Variants in ENPP6 observed in about 807,000 individuals in gnomAD.
ENPP6 encodes glycerophosphocholine cholinephosphodiesterase ENPP6.
A neutral mutation model predicts 42.0 loss-of-function variants in ENPP6; 32 were observed. That is an observed-to-expected ratio of 0.76 (90% CI 0.58 to 1.02). The LOEUF is 1.02. Ranked by LOEUF, ENPP6 falls within the 50% of genes least tolerant of loss-of-function variation. ENPP6 has a pLI of 0.00. For missense variants in ENPP6, 552 were observed against 566.8 expected, an observed-to-expected ratio of 0.97 and a Z score of 0.27; for synonymous variants, 213 against 216.0, an observed-to-expected ratio of 0.99 and a Z score of 0.12.
intron 4 of ENPP6, among the ~76,000 whole-genome samples, chr4:184,117,506 C>A (rs1200881725): frequency 6.6e-6 from 1 of 152,242 alleles, no homozygotes; most frequent in Non-Finnish European, 1.5e-5. Flanking sequence ...GTCCACAGAG[C>A]TGGGTGTCTC....
At chr4:184,169,461 C>T (rs549789528) in intron 1 of ENPP6, among the ~76,000 whole-genome samples, 1 of 152,328 alleles carries the variant, frequency 6.6e-6, no homozygotes, top group East Asian at 1.9e-4. Context: ...TGCCTCACCC[C>T]TGCTTCTTTT....
chr4:184,152,170 C>T (rs28496970), intron 2 of ENPP6, among the ~76,000 whole-genome samples: 4 of 151,754 alleles, frequency 2.6e-5, no homozygotes, highest in South Asian at 2.1e-4. Context: ...GCAGCTTGTA[C>T]GGTGCGCGCC....
chr4:184,153,845 A>T (rs937667253), intron 1 of ENPP6, 112 bp from the exon 2 acceptor site: 1 of 1,220,156 alleles, frequency 8.2e-7, no homozygotes, highest in African/African-American at 1.6e-5. Context: ...ACAGAACAGC[A>T]TAAAGATTTG....
At chr4:184,192,342 A>G (rs887199804) in intron 1 of ENPP6, among the ~76,000 whole-genome samples, 20 of 152,250 alleles carry the variant, frequency 1.3e-4, no homozygotes, top group Non-Finnish European at 2.9e-4. Context: ...TTTATGATCA[A>G]TTGATTTTTG....
chr4:184,117,651 A>C (rs371948655), intron 4 of ENPP6, 108 bp downstream of exon 4: 1 of 1,516,166 alleles, frequency 6.6e-7, no homozygotes, highest in African/African-American at 1.4e-5. Flanking sequence ...TGCTGGCCCA[A>C]TTGGCCTTTA....
intron 1 of ENPP6, among the ~76,000 whole-genome samples, chr4:184,163,541 C>T (rs1279598742): frequency 1.3e-5 from 2 of 151,768 alleles, no homozygotes; most frequent in South Asian, 2.1e-4. Flanking sequence ...TGAAAGCTCT[C>T]GGTTTAAAAA....
intron 1 of ENPP6, among the ~76,000 whole-genome samples, chr4:184,208,062 T>TACTG (rs1733030846): frequency 7.0e-6 from 1 of 143,220 alleles, no homozygotes; most frequent in African/African-American, 2.5e-5. Flanking sequence ...CATTCTGAGG[T>TACTG]ACTGGAAACC....
At chr4:184,197,296 C>T (rs149087405) in intron 1 of ENPP6, among the ~76,000 whole-genome samples, 1 of 152,340 alleles carries the variant, frequency 6.6e-6, no homozygotes, top group East Asian at 1.9e-4. Context: ...TCTCTCACTG[C>T]TTTGAATCTC....
At chr4:184,208,297 T>G (rs1206279655) in intron 1 of ENPP6, among the ~76,000 whole-genome samples, 1 of 152,004 alleles carries the variant, frequency 6.6e-6, no homozygotes, top group Non-Finnish European at 1.5e-5. Context: ...ATGCAGAAGA[T>G]GGGTGATTTC....
At chr4:184,195,035 T>C (rs985201805) in intron 1 of ENPP6, among the ~76,000 whole-genome samples, 1 of 152,010 alleles carries the variant, frequency 6.6e-6, no homozygotes, top group Non-Finnish European at 1.5e-5. Context: ...TTTTTTATCA[T>C]GGTAAAATAT....
At chr4:184,126,082 T>C (rs1736498157) in intron 2 of ENPP6, among the ~76,000 whole-genome samples, 1 of 152,214 alleles carries the variant, frequency 6.6e-6, no homozygotes, top group South Asian at 2.1e-4. Flanking sequence ...TGTATGTAAA[T>C]TGTAAGTAAT....
chr4:184,151,976 C>T (rs935556814), intron 2 of ENPP6, among the ~76,000 whole-genome samples: 5 of 152,200 alleles, frequency 3.3e-5, no homozygotes, highest in South Asian at 4.1e-4. Context: ...TTGCGTCAGC[C>T]GAGGTGGCTG....
At chr4:184,150,671 A>T (rs1047501844) in intron 2 of ENPP6, among the ~76,000 whole-genome samples, 11 of 152,248 alleles carry the variant, frequency 7.2e-5, no homozygotes, top group African/African-American at 2.7e-4. Context: ...CAGCAGAGAC[A>T]GCTGGCTCTC....
Position 184,217,663 on chromosome 4 carries a change from T to G in ENPP6, c.157A>C (p.Ile53Leu), listed in dbSNP as rs775841870. The stretch of plus-strand genomic sequence containing the variant: ...TCCACTTTTACTCCCCTGCTCACAA[T>G]CTCTTTGAAACCAGGCAATGACTCC... The part of the protein sequence containing the change: ...ALESLPGFKE[I>L]VSRGVKVDYL... Residue 53 changes from isoleucine (I) to leucine (L), a missense_variant, in exon 1 of 8, where the codon ATT becomes CTT. This residue lies in a region of ENPP6 where 545 missense variants were observed against 546.3 expected (regional missense o/e 1.00). Coordinates refer to ENST00000296741, the MANE Select transcript of ENPP6 (RefSeq NM_153343.4). 1 of 1,613,992 alleles carries G rather than the reference T, an allele frequency of 6.2e-7. No individual in the cohort carries two copies. Among genetic ancestry groups the G allele is most frequent in the East Asian group, 2.2e-5 (1 of 44,890 alleles).
chr4:184,109,177 C>G (rs1736156870), intron 6 of ENPP6, among the ~76,000 whole-genome samples: 1 of 151,990 alleles, frequency 6.6e-6, no homozygotes, highest in Admixed American at 6.6e-5. Flanking sequence ...CACCACCGCA[C>G]TCCAGCCTGG....
chr4:184,132,777 A>C (rs556632376), intron 2 of ENPP6, among the ~76,000 whole-genome samples: 131 of 150,650 alleles, frequency 8.7e-4, no homozygotes, highest in African/African-American at 2.9e-3. Context: ...AGATACACAT[A>C]TATACATATA....
At chr4:184,137,521 CA>C (rs111497566) in intron 2 of ENPP6, among the ~76,000 whole-genome samples, 3,586 of 152,154 alleles carry the variant, frequency 0.024, 158 homozygotes, top group African/African-American at 0.081. Context: ...TTGTAAATAC[CA>C]CTTAACAGGA....
chr4:184,206,547 C>T (rs1016840996), intron 1 of ENPP6, among the ~76,000 whole-genome samples: 2 of 152,034 alleles, frequency 1.3e-5, no homozygotes, highest in African/African-American at 4.8e-5. Context: ...TGAGCCACCG[C>T]GCCCGGCCAG....
chr4:184,099,232 C>T (rs1735960232), intron 6 of ENPP6, among the ~76,000 whole-genome samples: 1 of 152,260 alleles, frequency 6.6e-6, no homozygotes, highest in Non-Finnish European at 1.5e-5. Context: ...CTGCTGGCAG[C>T]GGCCAGTGAG....
Sources: gnomAD v4.1 joint callset for allele counts (sites outside exome capture counted in the v4.1 genomes callset) on GRCh38, gnomAD v4.1.1 for gene constraint, gnomAD v4.1.1 regional missense constraint, MANE v1.5 for transcripts, NCBI Gene and HGNC (gene_info 2026-07-23, HGNC 2026-07-21) for gene names.